PPIP5K1: variants seen among roughly 807,000 people sequenced by gnomAD.
PPIP5K1 encodes diphosphoinositol pentakisphosphate kinase 1.
A neutral mutation model predicts 27.7 loss-of-function variants in PPIP5K1; 6 were observed. The ratio of observed to expected loss-of-function variants is 0.22; its 90% CI spans 0.12 to 0.43. The LOEUF (loss-of-function observed/expected upper bound fraction) is 0.43. Ranked by LOEUF, PPIP5K1 falls within the 20% of genes least tolerant of loss-of-function variation. PPIP5K1 has a pLI of 1.00. For synonymous variants in PPIP5K1, 145 were observed against 242.6 expected (o/e 0.60, Z 3.74); for missense variants, 394 against 635.4 (o/e 0.62, Z 4.08).
chr15:43,552,614 G>T (rs538933442), intron 30 of PPIP5K1, among the ~76,000 whole-genome samples: 1 of 151,470 alleles, frequency 6.6e-6, no homozygotes, highest in Non-Finnish European at 1.5e-5. Flanking sequence ...AGCTACTCAG[G>T]GGGTGAGTAG....
intron 30 of PPIP5K1, among the ~76,000 whole-genome samples, chr15:43,543,793 CAT>C (rs150350072): frequency 5.6e-4 from 83 of 147,460 alleles, no homozygotes; most frequent in Admixed American, 8.2e-4. Flanking sequence ...CTCTGTAATG[CAT>C]ATATATATAT....
intron 30 of PPIP5K1, among the ~76,000 whole-genome samples, chr15:43,549,056 A>AATATATATATAT (rs762219321): frequency 1.0e-3 from 55 of 54,240 alleles, no homozygotes; most frequent in African/African-American, 6.1e-3. Context: ...AAAAAAAAAA[A>AATATATATATAT]ATATATATAT....
chr15:43,555,683 G>C (rs1022039902), intron 30 of PPIP5K1, among the ~76,000 whole-genome samples: 1 of 151,742 alleles, frequency 6.6e-6, no homozygotes, highest in African/African-American at 2.4e-5. Flanking sequence ...CTCAGCTCAC[G>C]CAACTTCTGC....
chr15:43,549,068 T>C (rs1595781714), intron 30 of PPIP5K1, among the ~76,000 whole-genome samples: 1 of 97,118 alleles, frequency 1.0e-5, no homozygotes, highest in South Asian at 3.2e-4. Flanking sequence ...TATATATATA[T>C]ATATATATAT....
intron 30 of PPIP5K1, among the ~76,000 whole-genome samples, chr15:43,552,527 A>G (rs560842031): frequency 1.3e-4 from 15 of 116,712 alleles, no homozygotes; most frequent in African/African-American, 7.3e-4. Flanking sequence ...CTCTGTCTCT[A>G]TAAAAAAAAA....
intron 31 of PPIP5K1, chr15:43,536,147 G>A (rs1211986280): frequency 7.1e-6 from 9 of 1,273,010 alleles, no homozygotes; most frequent in African/African-American, 1.5e-5. Context: ...GGCTGGGTGC[G>A]GTGGCTCACG....
intron 10 of PPIP5K1, among the ~76,000 whole-genome samples, chr15:43,580,566 A>C (rs2084926401): frequency 7.8e-6 from 1 of 127,954 alleles, no homozygotes; most frequent in Non-Finnish European, 1.6e-5. Context: ...TTCCTTTCTT[A>C]TTTTTATTTT....
At chr15:43,555,886 G>A (rs541404258) in intron 30 of PPIP5K1, among the ~76,000 whole-genome samples, 58 of 152,242 alleles carry the variant, frequency 3.8e-4, no homozygotes, top group African/African-American at 1.4e-3. Flanking sequence ...GATTACAGGC[G>A]TGAGCCACCA....
At chr15:43,545,268 C>A (rs1429462777) in intron 30 of PPIP5K1, among the ~76,000 whole-genome samples, 1 of 151,826 alleles carries the variant, frequency 6.6e-6, no homozygotes, top group African/African-American at 2.4e-5. Context: ...GAGATTGTAC[C>A]ATTTTGTACC....
intron 26 of PPIP5K1, among the ~76,000 whole-genome samples, chr15:43,565,644 A>G (rs2141244028): frequency 8.1e-6 from 1 of 123,194 alleles, no homozygotes; most frequent in South Asian, 3.1e-4. Flanking sequence ...TGGTCTCCCA[A>G]GCTCAAGTGA....
chr15:43,536,148 G>T, intron 31 of PPIP5K1: 15 of 1,273,922 alleles, frequency 1.2e-5, no homozygotes, highest in Non-Finnish European at 1.4e-5. Flanking sequence ...GCTGGGTGCG[G>T]TGGCTCACGC....
Position 43,539,465 on chromosome 15 carries a change from C to A in PPIP5K1, c.3670+5G>T. 1 of 1,556,314 alleles carries A rather than the reference C, an allele frequency of 6.4e-7. No homozygotes were observed. Among genetic ancestry groups the A allele is most frequent in the Admixed American group, 1.8e-5 (1 of 57,054 alleles). On this transcript the variant is annotated splice_donor_5th_base_variant and intron_variant, in intron 31 of 31. Coordinates refer to ENST00000420765, the MANE Select transcript of PPIP5K1 (RefSeq NM_001394395.1). ...TGTCTAGGCAGTTCCAAAAGGATTA[C>A]TTACACCAAGGGGGCTTCTCAGAGC...
intron 30 of PPIP5K1, among the ~76,000 whole-genome samples, chr15:43,543,905 A>G (rs190811835): frequency 4.0e-4 from 61 of 152,106 alleles, no homozygotes; most frequent in African/African-American, 1.4e-3. Context: ...GATTACAATT[A>G]TAGTTCTTTT....
At chr15:43,544,078 C>A (rs1354122049) in intron 30 of PPIP5K1, among the ~76,000 whole-genome samples, 2 of 152,006 alleles carry the variant, frequency 1.3e-5, no homozygotes, top group African/African-American at 4.8e-5. Context: ...AAAACATTTA[C>A]AGGCTCACAA....
chr15:43,547,425 T>C (rs527572126), intron 30 of PPIP5K1, among the ~76,000 whole-genome samples: 30 of 152,356 alleles, frequency 2.0e-4, no homozygotes, highest in African/African-American at 6.5e-4. Context: ...TACAAATCCA[T>C]TGCCAAATTT....
intron 10 of PPIP5K1, among the ~76,000 whole-genome samples, chr15:43,579,415 C>CACACACACACACGTATGTGTACAT (rs1555441040): frequency 8.5e-6 from 1 of 117,300 alleles, no homozygotes; most frequent in African/African-American, 5.8e-5. Flanking sequence ...CACACACACA[C>CACACACACACACGTATGTGTACAT]ACACACACGT....
chr15:43,548,191 C>G, intron 30 of PPIP5K1, among the ~76,000 whole-genome samples: 1 of 151,690 alleles, frequency 6.6e-6, no homozygotes, highest in Non-Finnish European at 1.5e-5. Flanking sequence ...CTCCGCCTCC[C>G]GGGTTCAAGC....
chr15:43,550,050 C>T, intron 30 of PPIP5K1, among the ~76,000 whole-genome samples: 1 of 152,200 alleles, frequency 6.6e-6, no homozygotes, highest in Non-Finnish European at 1.5e-5. Flanking sequence ...AAATGATCCT[C>T]CCGCCTTAGC....
rs182414655 is a variant in PPIP5K1, at chr15:43,551,751, C to T, written c.3556+7044G>A. ...CCAAGTAGCTGGGACTACAGGCGCCCGCCACTACGCCTGGCTAATTTTTTT... is the reference window on the plus strand; with the variant it reads ...CCAAGTAGCTGGGACTACAGGCGCCTGCCACTACGCCTGGCTAATTTTTTT... On this transcript the variant is annotated intron_variant, in intron 30 of 31. Transcript: ENST00000420765. 2.8e-4 allele frequency among the ~76,000 whole-genome samples: 42 copies of T among 149,242 alleles called. No individual in the cohort carries two copies. In the East Asian group the frequency reaches 8.0e-3, roughly 28 times the overall value.
Sources: allele counts gnomAD v4.1 joint callset (sites outside exome capture counted in the v4.1 genomes callset), GRCh38; gene constraint gnomAD v4.1.1; transcripts MANE v1.5; gene names NCBI Gene and HGNC (gene_info 2026-07-23, HGNC 2026-07-21).